Variants in NAV3 observed in about 807,000 individuals in gnomAD.
NAV3 encodes neuron navigator 3, also known as pore membrane and/or filament interacting like protein 1.
NAV3 carries 87 observed loss-of-function variants against 244.7 expected under a neutral mutation model. The ratio of observed to expected loss-of-function variants is 0.36; its 90% CI spans 0.30 to 0.42. NAV3 has a LOEUF of 0.42. Among genes scored for constraint, NAV3 ranks in the 20% least tolerant of loss-of-function variants. The pLI, the probability that NAV3 is intolerant of heterozygous loss-of-function variation, is 1.00. For missense variants in NAV3, 2,663 were observed against 2,893.3 expected, an observed-to-expected ratio of 0.92 and a Z score of 1.83; for synonymous variants, 1,126 against 1,042.2, an observed-to-expected ratio of 1.08 and a Z score of -1.55.
At chr12:77,726,074 A>C (rs199720842) in intron 2 of NAV3, among the ~76,000 whole-genome samples, 1 of 151,858 alleles carries the variant, frequency 6.6e-6, no homozygotes, top group East Asian at 1.9e-4. Context: ...TAGCAATCTT[A>C]ATTTTCCCTT....
intron 3 of NAV3, among the ~76,000 whole-genome samples, chr12:77,941,740 A>G (rs989532616): frequency 1.3e-5 from 2 of 152,210 alleles, no homozygotes; most frequent in African/African-American, 4.8e-5. Flanking sequence ...AAAGAGTAAT[A>G]AACTATAGAG....
At chr12:77,896,640 A>G (rs1245746346) in intron 1 of NAV3, among the ~76,000 whole-genome samples, 1 of 152,186 alleles carries the variant, frequency 6.6e-6, no homozygotes, top group East Asian at 1.9e-4. Flanking sequence ...ATGAATAGCA[A>G]ATGGTCTCTG....
chr12:78,012,596 T>C (rs1331722879), intron 8 of NAV3, among the ~76,000 whole-genome samples: 2 of 152,030 alleles, frequency 1.3e-5, no homozygotes, highest in East Asian at 3.9e-4. Context: ...CCTATATTGC[T>C]TTAGAACATA....
chr12:77,598,336 A>G (rs1174990857), intron 2 of NAV3, among the ~76,000 whole-genome samples: 1 of 152,026 alleles, frequency 6.6e-6, no homozygotes, highest in Non-Finnish European at 1.5e-5. Context: ...GTTGAGAATT[A>G]AATTGTTTCT....
chr12:77,902,874 G>T (rs1271577591), intron 1 of NAV3, among the ~76,000 whole-genome samples: 1 of 152,114 alleles, frequency 6.6e-6, no homozygotes, highest in Non-Finnish European at 1.5e-5. Flanking sequence ...GCCAAATCAT[G>T]AGTGAACTCC....
At chr12:77,851,370 T>C (rs2136246793) in intron 1 of NAV3, among the ~76,000 whole-genome samples, 1 of 152,326 alleles carries the variant, frequency 6.6e-6, no homozygotes, top group East Asian at 1.9e-4. Flanking sequence ...TTCTCTGAAA[T>C]ATATCTTGCA....
chr12:77,926,566 A>G (rs1348068874), intron 1 of NAV3, among the ~76,000 whole-genome samples: 1 of 152,224 alleles, frequency 6.6e-6, no homozygotes, highest in Non-Finnish European at 1.5e-5. Context: ...TATATTCTTT[A>G]CATTGAAAGA....
In NAV3 at chr12:77,917,177, G is replaced by T. The variant is rs1446154976; in HGVS notation, c.244-23142G>T. ...ATTGTTGGTCTATTCCAAACCAGATGCTGTGGAAGAGGTTTGCCTGCATTA... is the reference window on the plus strand; with the variant it reads ...ATTGTTGGTCTATTCCAAACCAGATTCTGTGGAAGAGGTTTGCCTGCATTA... On this transcript the variant is annotated intron_variant, in intron 1 of 39. Coordinates refer to ENST00000397909, the MANE Select transcript of NAV3 (RefSeq NM_001024383.2). Among the ~76,000 whole-genome samples, 9 of 152,034 alleles carry T rather than the reference G, an allele frequency of 5.9e-5. No individual in the cohort carries two copies. The East Asian group carries it at 1.7e-3, about 29-fold the overall frequency.
chr12:77,846,168 A>C (rs927507188), intron 1 of NAV3, among the ~76,000 whole-genome samples: 4 of 152,166 alleles, frequency 2.6e-5, no homozygotes, highest in African/African-American at 9.7e-5. Flanking sequence ...CCAATACTAA[A>C]TGACAAAGTG....
intron 2 of NAV3, among the ~76,000 whole-genome samples, chr12:77,818,824 T>C (rs999237677): frequency 6.6e-6 from 1 of 152,162 alleles, no homozygotes; most frequent in Non-Finnish European, 1.5e-5. Flanking sequence ...AGATTTTCTT[T>C]TACTTATATA....
chr12:77,870,790 A>T (rs1163927060), intron 1 of NAV3, among the ~76,000 whole-genome samples: 1 of 152,196 alleles, frequency 6.6e-6, no homozygotes, highest in African/African-American at 2.4e-5. Context: ...GGAGGGTTTA[A>T]ATTGAATTGT....
chr12:78,205,811 A>C (rs142865293), intron 39 of NAV3, among the ~76,000 whole-genome samples: 7 of 152,256 alleles, frequency 4.6e-5, no homozygotes, highest in Non-Finnish European at 1.0e-4. Context: ...GTGAAGTGTT[A>C]CTAACTCACC....
At chr12:78,173,674 A>G (rs1362953529) in intron 24 of NAV3, among the ~76,000 whole-genome samples, 2 of 151,564 alleles carry the variant, frequency 1.3e-5, no homozygotes, top group Non-Finnish European at 3.0e-5. Flanking sequence ...ATGTTTTGGC[A>G]TGCAAAACCA....
At chr12:78,155,601 C>T (rs1957271863) in intron 22 of NAV3, among the ~76,000 whole-genome samples, 1 of 152,116 alleles carries the variant, frequency 6.6e-6, no homozygotes, top group Non-Finnish European at 1.5e-5. Context: ...CTGTCTTCCA[C>T]ATTGGTTGAA....
intron 28 of NAV3, 108 bp from the exon 29 acceptor site, chr12:78,179,421 T>C: frequency 7.4e-7 from 1 of 1,353,106 alleles, no homozygotes; most frequent in Non-Finnish European, 1.0e-6. Context: ...CAGCACACCA[T>C]ATCTGTACCT....
intron 1 of NAV3, among the ~76,000 whole-genome samples, chr12:77,887,540 G>A (rs1476771751): frequency 6.6e-6 from 1 of 152,070 alleles, no homozygotes; most frequent in East Asian, 1.9e-4. Flanking sequence ...TAAACTACAT[G>A]ATAACAAAGG....
chr12:77,821,231 G>A lies in NAV3; in HGVS notation c.73-119088G>A, dbSNP rs148017137. On this transcript the variant is annotated intron_variant, in intron 2 of 8. Coordinates refer to the NAV3 transcript ENST00000550042. ...GGTGGTTCCTAGAAAGGATCTGGAT[G>A]TTAGTTAGATCTGAAGTTTAGAACC... Among the ~76,000 whole-genome samples, 14 of 152,222 alleles carry A rather than the reference G, an allele frequency of 9.2e-5. No homozygotes were observed. In the East Asian group the frequency reaches 2.3e-3, roughly 25 times the overall value.
At chr12:77,808,839 T>A (rs1008029788) in intron 2 of NAV3, among the ~76,000 whole-genome samples, 5 of 152,214 alleles carry the variant, frequency 3.3e-5, no homozygotes, top group African/African-American at 1.2e-4. Context: ...AGCTCCTGAC[T>A]GGGGCTGCTG....
chr12:78,135,991 C>G (rs151272681), intron 18 of NAV3, among the ~76,000 whole-genome samples: 122 of 152,218 alleles, frequency 8.0e-4, no homozygotes, highest in African/African-American at 2.9e-3. Context: ...TGTGTTAATT[C>G]GGTTAATACC....
Sources: gnomAD v4.1 joint callset for allele counts (sites outside exome capture counted in the v4.1 genomes callset) on GRCh38, gnomAD v4.1.1 for gene constraint, MANE v1.5 for transcripts, NCBI Gene and HGNC (gene_info 2026-07-23, HGNC 2026-07-21) for gene names.